Variants in HERC1 observed in about 807,000 individuals in gnomAD.
HERC1 encodes the protein probable E3 ubiquitin-protein ligase HERC1.
HERC1 carries 160 observed loss-of-function variants against 554.3 expected under a neutral mutation model. The observed-to-expected ratio is 0.29, with a 90% confidence interval of 0.25 to 0.33. The LOEUF is 0.33. Ranked by LOEUF, HERC1 falls within the 10% of genes least tolerant of loss-of-function variation. The probability of loss-of-function intolerance (pLI) is 1.00; values close to 1 mark genes in which losing one functional copy is unlikely to be tolerated. For synonymous variants in HERC1, 2,175 were observed against 2,131.7 expected, an observed-to-expected ratio of 1.02 and a Z score of -0.56; for missense variants, 4,919 against 5,918.5, an observed-to-expected ratio of 0.83 and a Z score of 5.54.
At chr15:63,616,054 G>T (rs1240768423) in intron 75 of HERC1, 134 bp from the exon 76 acceptor site, 4 of 725,312 alleles carry the variant, frequency 5.5e-6, no homozygotes, top group African/African-American at 1.8e-5. Flanking sequence ...AAAACAGGTA[G>T]GACTGATCAG....
intron 1 of HERC1, among the ~76,000 whole-genome samples, chr15:63,804,739 C>G (rs1431284478): frequency 6.6e-6 from 1 of 151,864 alleles, no homozygotes; most frequent in African/African-American, 2.4e-5. Context: ...TAAAAAGAAC[C>G]CTTACAACTC....
Position 63,633,978 on chromosome 15 carries a change from A to G in HERC1, c.12571-8T>C. Reference sequence around the variant, plus strand: ...GTTTAATCCACAGGCCACCTAAAGAAATAACAGCATTCCGTAAGGCAAATC... The same window carrying G: ...GTTTAATCCACAGGCCACCTAAAGAGATAACAGCATTCCGTAAGGCAAATC... On this transcript the variant is annotated splice_polypyrimidine_tract_variant and splice_region_variant and intron_variant, in intron 66 of 77. Transcript: ENST00000443617. 6.2e-7 allele frequency: 1 copy of G among 1,613,818 alleles called. No individual in the cohort carries two copies. Among genetic ancestry groups the G allele is most frequent in the Admixed American group, 1.7e-5 (1 of 60,008 alleles).
chr15:63,724,993 A>G (rs1301536790), intron 18 of HERC1, among the ~76,000 whole-genome samples: 1 of 152,204 alleles, frequency 6.6e-6, no homozygotes, highest in Non-Finnish European at 1.5e-5. Context: ...ATAACCTCCA[A>G]GCCTCGGAAA....
chr15:63,647,375 A>G (rs2069412094), intron 55 of HERC1, among the ~76,000 whole-genome samples: 1 of 152,182 alleles, frequency 6.6e-6, no homozygotes, highest in Non-Finnish European at 1.5e-5. Context: ...AAGTGGTGAA[A>G]AGGGAACTCT....
At chr15:63,650,201 G>C (rs568930551) in intron 53 of HERC1, among the ~76,000 whole-genome samples, 1 of 151,802 alleles carries the variant, frequency 6.6e-6, no homozygotes, top group Non-Finnish European at 1.5e-5. Flanking sequence ...TCAGGAATTC[G>C]AGACCAGCCT....
intron 2 of HERC1, 39 bp downstream of exon 2, chr15:63,774,655 A>C (rs895887456): frequency 1.4e-6 from 2 of 1,460,890 alleles, no homozygotes; most frequent in Non-Finnish European, 9.2e-7. Flanking sequence ...TTTTCCAAAA[A>C]CTATTATGAA....
At chr15:63,739,140 GC>G (rs2074677746) in intron 12 of HERC1, among the ~76,000 whole-genome samples, 1 of 148,228 alleles carries the variant, frequency 6.7e-6, no homozygotes, top group African/African-American at 2.5e-5. Context: ...AAAGCCGTGT[GC>G]CCATTACCAG....
chr15:63,763,144 T>C (rs1197994368), intron 3 of HERC1, among the ~76,000 whole-genome samples: 1 of 152,212 alleles, frequency 6.6e-6, no homozygotes, highest in Non-Finnish European at 1.5e-5. Flanking sequence ...ACTGTCTTTT[T>C]CTCAATCCTT....
At chr15:63,770,376 A>C (rs2075914950) in intron 2 of HERC1, among the ~76,000 whole-genome samples, 1 of 152,154 alleles carries the variant, frequency 6.6e-6, no homozygotes, top group Non-Finnish European at 1.5e-5. Flanking sequence ...ATTATCATTA[A>C]TTTGAAATGT....
chr15:63,637,542 A>C lies in HERC1; in HGVS notation c.12195T>G (p.Asp4065Glu). The C allele has an allele frequency of 6.4e-7, 1 of 1,566,410 alleles. No individual in the cohort carries two copies. Among genetic ancestry groups the C allele is most frequent in the Non-Finnish European group, 8.7e-7 (1 of 1,153,888 alleles). ...SYGRLGQGNS[D>E]DLHVLTVISA... Reference sequence around the variant, plus strand: ...AAATAACTGTCAGCACATGAAGGTCATCTGAATTTCCTTGTCCTAATCTGC... The same window carrying C: ...AAATAACTGTCAGCACATGAAGGTCCTCTGAATTTCCTTGTCCTAATCTGC... Residue 4065 changes from aspartate to glutamate, a missense_variant, in exon 64 of 78, where the codon GAT (aspartate) becomes GAG (glutamate). By Grantham distance (45) the Asp-to-Glu change is conservative. Coordinates refer to ENST00000443617, the MANE Select transcript of HERC1 (RefSeq NM_003922.4).
Position 63,694,978 on chromosome 15 carries a change from G to T in HERC1, c.5122-84C>A. The T allele has an allele frequency of 8.0e-7, 1 of 1,248,252 alleles. No individual in the cohort carries two copies. The highest frequency in any genetic ancestry group is 1.1e-6 in the Non-Finnish European group (1 of 900,870). The allele number at this position is 1,248,252 out of a possible 1,614,324, so 77.3% of individuals were successfully genotyped here. ...AAGAAGTAATAACATTTTATTTCTAGTCTATGCTAGAGCCTTACGATGGTT... is the reference window on the plus strand; with the variant it reads ...AAGAAGTAATAACATTTTATTTCTATTCTATGCTAGAGCCTTACGATGGTT... On this transcript the variant is annotated intron_variant, in intron 27 of 77. Transcript: ENST00000443617. This position sits in a 1 kb window ranked among gnomAD's most constrained non-coding sequence, Gnocchi z 4.3.
chr15:63,705,832 C>A (rs2153093166), intron 25 of HERC1, among the ~76,000 whole-genome samples: 1 of 152,068 alleles, frequency 6.6e-6, no homozygotes, highest in South Asian at 2.1e-4. Flanking sequence ...GAGTTCAAGA[C>A]CAGCCTGGGC....
intron 2 of HERC1, among the ~76,000 whole-genome samples, chr15:63,766,242 T>A (rs976139149): frequency 6.8e-6 from 1 of 146,630 alleles, no homozygotes; most frequent in Non-Finnish European, 1.5e-5. Flanking sequence ...TGATTAATAC[T>A]AATTTATTTA....
At chr15:63,823,999 G>T (rs1036944028) in intron 1 of HERC1, among the ~76,000 whole-genome samples, 2 of 152,074 alleles carry the variant, frequency 1.3e-5, no homozygotes, top group African/African-American at 4.8e-5. Context: ...CAAATGACTT[G>T]AATAGATATT....
chr15:63,798,673 T>C (rs919530041), intron 1 of HERC1, among the ~76,000 whole-genome samples: 1 of 152,174 alleles, frequency 6.6e-6, no homozygotes, highest in African/African-American at 2.4e-5. Context: ...TAACAGATAA[T>C]GCACTCACTC....
chr15:63,684,716 A>G (rs923416982), intron 34 of HERC1, among the ~76,000 whole-genome samples: 5 of 152,122 alleles, frequency 3.3e-5, no homozygotes, highest in Admixed American at 2.0e-4. Context: ...GGGGAAAAAA[A>G]TCTATGTTGG....
intron 26 of HERC1, among the ~76,000 whole-genome samples, chr15:63,698,039 T>C (rs942571335): frequency 6.6e-6 from 1 of 152,144 alleles, no homozygotes; most frequent in African/African-American, 2.4e-5. Context: ...CATTCAACAG[T>C]GGGTCTTGAT....
chr15:63,724,429 G>A (rs1037805648), intron 18 of HERC1, among the ~76,000 whole-genome samples: 1 of 152,196 alleles, frequency 6.6e-6, no homozygotes, highest in Non-Finnish European at 1.5e-5. Flanking sequence ...TGGAAATGGA[G>A]GAAAATCCTC....
Position 63,694,009 on chromosome 15 carries a change from T to C in HERC1, c.5629A>G (p.Lys1877Glu), listed in dbSNP as rs1016517055. ...GTTTCTCCACTGGAGTCAACTTTTTTTTCTTCTTCTTCACCGTCTTCTTGC... is the reference window on the plus strand; with the variant it reads ...GTTTCTCCACTGGAGTCAACTTTTTCTTCTTCTTCTTCACCGTCTTCTTGC... ...GEQEDGEEEEKKVDSSGETEK... is the reference protein window; with the variant it reads ...GEQEDGEEEEEKVDSSGETEK... The change falls in exon 30 of 78, where the codon AAA becomes GAA. Residue 1877 changes from lysine (K) to glutamate (E), a missense_variant. Lys to Glu is a moderately conservative substitution (Grantham distance 56). This residue lies in a region of HERC1 where 1,121 missense variants were observed against 1,244.0 expected (regional missense o/e 0.90). Transcript: ENST00000443617. This position sits in a 1 kb window ranked among gnomAD's most constrained non-coding sequence, Gnocchi z 4.3. 1.3e-6 allele frequency: 2 copies of C among 1,565,196 alleles called. No homozygotes were observed. Among genetic ancestry groups the C allele is most frequent in the Non-Finnish European group, 1.7e-6 (2 of 1,153,560 alleles).
Sources: gnomAD v4.1 joint callset for allele counts (sites outside exome capture counted in the v4.1 genomes callset) on GRCh38, gnomAD v4.1.1 for gene constraint, gnomAD v4.1.1 regional missense constraint, Gnocchi (gnomAD v3.1) non-coding constraint, MANE v1.5 for transcripts, NCBI Gene and HGNC (gene_info 2026-07-23, HGNC 2026-07-21) for gene names.